Variants in BEND4 observed in about 807,000 individuals in gnomAD.
BEND4 encodes the protein BEN domain containing 4.
BEND4 carries 27 observed loss-of-function variants against 54.7 expected under a neutral mutation model. The observed-to-expected ratio is 0.49, with a 90% CI of 0.36 to 0.68. The LOEUF is 0.68. Among genes scored for constraint, BEND4 ranks in the 30% least tolerant of loss-of-function variants. BEND4 has a pLI of 0.00. For synonymous variants in BEND4, 327 were observed against 299.5 expected (o/e 1.09, Z -0.95); for missense variants, 702 against 697.2 (o/e 1.01, Z -0.08).
At chr4:42,151,332 G>A (rs1721268451) in intron 2 of BEND4, 2 of 203,422 alleles carry the variant, frequency 9.8e-6, no homozygotes, top group Non-Finnish European at 8.9e-6. Context: ...CCGAGCGGCC[G>A]CCGCTATCCC....
intron 4 of BEND4, among the ~76,000 whole-genome samples, 164 bp from the exon 5 acceptor site, chr4:42,120,458 C>T (rs544637194): frequency 6.6e-6 from 1 of 152,218 alleles, no homozygotes; most frequent in Non-Finnish European, 1.5e-5. Context: ...AGAAGGGGCA[C>T]TTTTCAAATT....
In BEND4 at chr4:42,120,076, T is replaced by C; in HGVS notation, c.1365A>G (p.Pro455=). ...ETGPERRPLD[P]VKVTCLREFI... ...TACCTCGGAGGCATGTTACTTTAAC[T>C]GGATCCAGAGGGCGTCTTTCGGGAC... is the stretch of plus-strand genomic sequence containing the variant. Residue 455 remains proline, a synonymous_variant, in exon 5 of 6, where the codon CCA becomes CCG. Transcript: ENST00000502486. 6.2e-7 allele frequency: 1 copy of C among 1,614,042 alleles called. No individual in the cohort carries two copies. The highest frequency in any genetic ancestry group is 8.5e-7 in the Non-Finnish European group (1 of 1,179,890).
chr4:42,117,421 AGAAT>A lies in BEND4; in HGVS notation c.*93_*96del, dbSNP rs1719881446. The A allele has an allele frequency of 1.2e-6, 1 of 835,444 alleles. No individual in the cohort carries two copies. Among genetic ancestry groups the A allele is most frequent in the Non-Finnish European group, 1.9e-6 (1 of 527,960 alleles). The allele number at this position is 835,444 out of a possible 1,614,324, so 51.8% of individuals were successfully genotyped here. A position where few individuals can be genotyped will look rare whatever the true frequency, so the allele number is the denominator to read the frequency against. Reference sequence around the variant, plus strand: ...CAGCTGAGAATGTGTAGACTATGGCAGAATGACAGGCTTTGGACTCTCAGGTGAC... The same window carrying A: ...CAGCTGAGAATGTGTAGACTATGGCAGACAGGCTTTGGACTCTCAGGTGAC... On this transcript the variant is annotated 3_prime_UTR_variant, in exon 6 of 6. Coordinates refer to ENST00000502486, the MANE Select transcript of BEND4 (RefSeq NM_207406.4).
At chr4:42,151,568 GT>G in intron 2 of BEND4, 88 bp downstream of exon 2, 9 of 1,325,144 alleles carry the variant, frequency 6.8e-6, no homozygotes, top group Non-Finnish European at 8.8e-6. Flanking sequence ...GCACGGGTAA[GT>G]GTCGGCGGCC....
intron 2 of BEND4, 121 bp from the exon 3 acceptor site, chr4:42,144,115 A>G (rs1263089558): frequency 1.3e-6 from 1 of 765,832 alleles, no homozygotes. Flanking sequence ...TGTCTGTCAT[A>G]AACCAAGATG....
intron 3 of BEND4, among the ~76,000 whole-genome samples, chr4:42,134,025 A>T (rs1196804460): frequency 6.6e-6 from 1 of 152,220 alleles, no homozygotes. Context: ...AGGCCACTTA[A>T]TTGACTCTGT....
chr4:42,144,515 A>G (rs988717183), intron 2 of BEND4, among the ~76,000 whole-genome samples: 1 of 152,230 alleles, frequency 6.6e-6, no homozygotes, highest in Non-Finnish European at 1.5e-5. Flanking sequence ...TGAAGAGCTC[A>G]CTAGAAATTT....
At chr4:42,140,031 C>A (rs1720830466) in intron 3 of BEND4, among the ~76,000 whole-genome samples, 1 of 152,196 alleles carries the variant, frequency 6.6e-6, no homozygotes, top group Admixed American at 6.5e-5. Flanking sequence ...AAAGTGGATT[C>A]TTGGGTGTCA....
At chr4:42,120,388 C>G (rs16854046) in intron 4 of BEND4, 94 bp from the exon 5 acceptor site, 28,316 of 1,471,604 alleles carry the variant, frequency 0.019, 501 homozygotes, top group African/African-American at 0.088. Flanking sequence ...CTTTTTTTAA[C>G]CAAGTGGCTA....
chr4:42,123,701 A>AAAAACAAAAC (rs1560576011), intron 4 of BEND4, among the ~76,000 whole-genome samples: 5 of 129,422 alleles, frequency 3.9e-5, no homozygotes, highest in Admixed American at 7.2e-5. Context: ...TCAGAAAAAA[A>AAAAACAAAAC]AAAAAAAAAA....
At position 42,143,842 on chromosome 4, in the gene BEND4, G is replaced by A; in HGVS notation, c.640C>T (p.His214Tyr). 1 of 1,567,908 alleles carries A rather than the reference G, an allele frequency of 6.4e-7. No individual in the cohort carries two copies. The highest frequency in any genetic ancestry group is 8.6e-7 in the Non-Finnish European group (1 of 1,159,306). ...TGGACCCCTTTCCCAATGTGACAGTGCTCCTGTCTTTCGTTGTAACTTGAG... is the reference window on the plus strand; with the variant it reads ...TGGACCCCTTTCCCAATGTGACAGTACTCCTGTCTTTCGTTGTAACTTGAG... ...EGSSYNERQE[H>Y]CHIGKGVHSQ... Residue 214 changes from histidine to tyrosine, a missense_variant, in exon 3 of 6, where the codon CAC (histidine) becomes TAC (tyrosine). Physicochemically the swap from His to Tyr is moderately conservative, Grantham distance 83. Transcript: ENST00000502486.
intron 5 of BEND4, 134 bp from the exon 6 acceptor site, chr4:42,117,869 G>A (rs1719907841): frequency 1.6e-6 from 1 of 634,530 alleles, no homozygotes; most frequent in East Asian, 2.8e-5. Flanking sequence ...CCAACGCAAT[G>A]CCATGATGAT....
intron 2 of BEND4, 92 bp downstream of exon 2, chr4:42,151,565 T>G: frequency 7.7e-7 from 1 of 1,299,130 alleles, no homozygotes; most frequent in Non-Finnish European, 1.0e-6. Flanking sequence ...CCAGCACGGG[T>G]AAGTGTCGGC....
chr4:42,120,112 T>A lies in BEND4; in HGVS notation c.1329A>T (p.Ser443=). Residue 443 remains serine, a synonymous_variant, in exon 5 of 6, where the codon TCA becomes TCT. Transcript: ENST00000502486. ...GLGKRKRSVQ[S]GETGPERRPL... ...GGCGTCTTTCGGGACCTGTCTCTCC[T>A]GACTGCACTGACCTTTTCCTTTTCC... 6.2e-7 allele frequency: 1 copy of A among 1,614,034 alleles called. No homozygotes were observed. The highest frequency in any genetic ancestry group is 8.5e-7 in the Non-Finnish European group (1 of 1,179,890).
intron 2 of BEND4, among the ~76,000 whole-genome samples, chr4:42,148,163 G>A (rs192454307): frequency 5.9e-5 from 9 of 152,130 alleles, no homozygotes; most frequent in Admixed American, 5.9e-4. Flanking sequence ...TTAAAAGAGG[G>A]CTTCATGGCA....
intron 5 of BEND4, among the ~76,000 whole-genome samples, chr4:42,118,640 T>C (rs1213902493): frequency 6.6e-6 from 1 of 152,134 alleles, no homozygotes; most frequent in Admixed American, 6.5e-5. Flanking sequence ...AAATGTAAAA[T>C]GTTGAGTAAG....
chr4:42,120,086 G>A lies in BEND4; in HGVS notation c.1355C>T (p.Pro452Leu). ...QSGETGPERR[P>L]LDPVKVTCLR... ...GCATGTTACTTTAACTGGATCCAGAGGGCGTCTTTCGGGACCTGTCTCTCC... is the reference window on the plus strand; with the variant it reads ...GCATGTTACTTTAACTGGATCCAGAAGGCGTCTTTCGGGACCTGTCTCTCC... The change falls in exon 5 of 6, where the codon CCT becomes CTT. Residue 452 changes from proline to leucine, a missense_variant. Coordinates refer to ENST00000502486, the MANE Select transcript of BEND4 (RefSeq NM_207406.4). 1 of 1,613,998 alleles carries A rather than the reference G, an allele frequency of 6.2e-7. No homozygotes were observed. Among genetic ancestry groups the A allele is most frequent in the Non-Finnish European group, 8.5e-7 (1 of 1,179,886 alleles).
intron 3 of BEND4, among the ~76,000 whole-genome samples, chr4:42,138,096 G>C (rs1720755879): frequency 6.6e-6 from 1 of 152,130 alleles, no homozygotes; most frequent in African/African-American, 2.4e-5. Context: ...TATACCCAAA[G>C]GAAATGAAAT....
chr4:42,152,327 G>A lies in BEND4; in HGVS notation c.-184C>T. ...GAGGCTGGCATCGCCGAGCCCCCGC[G>A]CGGGGGGCTGCCGCCCGAGCTCCTG... On this transcript the variant is annotated 5_prime_UTR_variant, in exon 2 of 6. Coordinates refer to ENST00000502486, the MANE Select transcript of BEND4 (RefSeq NM_207406.4). The A allele has an allele frequency of 2.4e-6, 1 of 409,330 alleles. No individual in the cohort carries two copies. The highest frequency in any genetic ancestry group is 4.0e-6 in the Non-Finnish European group (1 of 250,444). 25.4% of individuals were successfully genotyped at this position (409,330 alleles called of 1,614,324 possible). A position where few individuals can be genotyped will look rare whatever the true frequency, so the allele number is the denominator to read the frequency against.
Sources: allele counts gnomAD v4.1 joint callset (sites outside exome capture counted in the v4.1 genomes callset), GRCh38; gene constraint gnomAD v4.1.1; transcripts MANE v1.5; gene names NCBI Gene and HGNC (gene_info 2026-07-23, HGNC 2026-07-21).